UBE2W: variants seen among roughly 807,000 people sequenced by gnomAD.
The protein encoded by UBE2W is ubiquitin conjugating enzyme E2 W.
Under a neutral mutation model 27.2 loss-of-function variants are expected in UBE2W, and 18 were observed. That is an observed-to-expected ratio of 0.66 (90% CI 0.46 to 0.98). UBE2W has a LOEUF of 0.98. UBE2W is among the 50% of genes least tolerant of loss of function. The pLI is 0.00. For missense variants in UBE2W, 90 were observed against 180.2 expected, an observed-to-expected ratio of 0.50 and a Z score of 2.87; for synonymous variants, 53 against 57.2, an observed-to-expected ratio of 0.93 and a Z score of 0.33.
At chr8:73,874,356 C>T (rs1196818820) in intron 1 of UBE2W, among the ~76,000 whole-genome samples, 2 of 152,034 alleles carry the variant, frequency 1.3e-5, no homozygotes, top group East Asian at 1.9e-4. Flanking sequence ...GCATGAAGCC[C>T]GGGGATTGGA....
At chr8:73,866,293 ATATAT>A (rs1811768950) in intron 1 of UBE2W, among the ~76,000 whole-genome samples, 2 of 61,518 alleles carry the variant, frequency 3.3e-5, no homozygotes, top group African/African-American at 1.4e-4. Context: ...AAAAAAAAAT[ATATAT>A]ATATATATAT....
exon 5 of UBE2W, chr8:73,780,335 C>G: frequency 6.6e-6 from 2 of 305,220 alleles, no homozygotes; most frequent in South Asian, 6.0e-5. Context: ...CTTAGGACAC[C>G]AGTTATATTG....
intron 5 of UBE2W, among the ~76,000 whole-genome samples, chr8:73,799,947 T>C (rs1022543029): frequency 2.6e-5 from 4 of 152,224 alleles, no homozygotes; most frequent in African/African-American, 9.6e-5. Context: ...CACCTAGAGC[T>C]AAGCAGGAAA....
intron 2 of UBE2W, among the ~76,000 whole-genome samples, chr8:73,825,693 C>T (rs942679531): frequency 6.6e-6 from 1 of 152,054 alleles, no homozygotes. Flanking sequence ...CCCAGCTACT[C>T]AGGAGGCTGA....
At chr8:73,832,177 T>C (rs1810097116) in intron 1 of UBE2W, among the ~76,000 whole-genome samples, 4 of 150,590 alleles carry the variant, frequency 2.7e-5, no homozygotes, top group African/African-American at 7.5e-5. Flanking sequence ...GGCATGCACC[T>C]GTACTCCCAG....
downstream of UBE2W, among the ~76,000 whole-genome samples, chr8:73,785,156 T>A (rs1807913404): frequency 6.6e-6 from 1 of 152,202 alleles, no homozygotes; most frequent in East Asian, 1.9e-4. Flanking sequence ...ACAATATTTT[T>A]ATTTTTTTTA....
At chr8:73,857,369 T>A (rs1158917487) in intron 1 of UBE2W, among the ~76,000 whole-genome samples, 1 of 152,202 alleles carries the variant, frequency 6.6e-6, no homozygotes, top group Non-Finnish European at 1.5e-5. Flanking sequence ...CATAGAGAAC[T>A]GACCAAAATA....
rs1286530561 is a variant in UBE2W, at chr8:73,791,511, T to C, written c.*2591A>G. On this transcript the variant is annotated 3_prime_UTR_variant, in exon 6 of 6. Coordinates refer to ENST00000602593, the MANE Select transcript of UBE2W (RefSeq NM_018299.6). ...GGAGGAGGCAAGTAGCATATTCCTA[T>C]ATACATTTTCTTGATATTCTGGTTG... 8.1e-6 allele frequency: 8 copies of C among 985,192 alleles called. No individual in the cohort carries two copies. The highest frequency in any genetic ancestry group is 8.4e-6 in the Non-Finnish European group (7 of 829,820). 61.0% of individuals were successfully genotyped at this position (985,192 alleles called of 1,614,324 possible). A position where few individuals can be genotyped will look rare whatever the true frequency, so the allele number is the denominator to read the frequency against.
chr8:73,786,197 C>G, downstream of UBE2W: 1 of 983,526 alleles, frequency 1.0e-6, no homozygotes, highest in Non-Finnish European at 1.2e-6. Flanking sequence ...TGAGAAACAC[C>G]TATAAAAAAA....
intron 4 of UBE2W, among the ~76,000 whole-genome samples, chr8:73,809,198 C>G (rs1179876222): frequency 1.3e-5 from 2 of 152,026 alleles, no homozygotes; most frequent in Admixed American, 6.6e-5. Context: ...AAAAACAAAA[C>G]AAAACCAATT....
At chr8:73,839,536 A>C (rs1810448943) in intron 1 of UBE2W, among the ~76,000 whole-genome samples, 1 of 151,484 alleles carries the variant, frequency 6.6e-6, no homozygotes, top group South Asian at 2.1e-4. Context: ...ACATGCCTGT[A>C]ATTTCTGCTA....
chr8:73,839,961 C>G (rs1810472924), intron 1 of UBE2W, among the ~76,000 whole-genome samples: 1 of 152,102 alleles, frequency 6.6e-6, no homozygotes, highest in African/African-American at 2.4e-5. Flanking sequence ...GTCTCGAACT[C>G]CTGGCCTCCA....
chr8:73,865,245 T>G (rs1007033257), intron 1 of UBE2W, among the ~76,000 whole-genome samples: 3 of 143,990 alleles, frequency 2.1e-5, no homozygotes, highest in Middle Eastern at 3.7e-3. Context: ...CAAACAAATG[T>G]TACGAAGACG....
chr8:73,835,605 G>A (rs929409598), intron 1 of UBE2W, among the ~76,000 whole-genome samples: 2 of 152,120 alleles, frequency 1.3e-5, no homozygotes, highest in Admixed American at 1.3e-4. Context: ...TCAGCTGGGC[G>A]TGGTGGCATG....
At chr8:73,860,811 A>G (rs1811506038) in intron 1 of UBE2W, among the ~76,000 whole-genome samples, 1 of 152,194 alleles carries the variant, frequency 6.6e-6, no homozygotes, top group African/African-American at 2.4e-5. Flanking sequence ...AAAACAAGAC[A>G]GGGAGCTATC....
chr8:73,836,776 T>C (rs1810323254), intron 1 of UBE2W, among the ~76,000 whole-genome samples: 1 of 152,184 alleles, frequency 6.6e-6, no homozygotes, highest in Admixed American at 6.5e-5. Context: ...GACAGAACAC[T>C]TGCTAAAGGT....
In UBE2W at chr8:73,828,471, T is replaced by G. The variant is rs550107110; in HGVS notation, c.107+1910A>C. Reference sequence around the variant, plus strand: ...TATTGACATTTACACTATTCCCAAATTATCCCTAGAATTAGCAATGTCGAA... The same window carrying G: ...TATTGACATTTACACTATTCCCAAAGTATCCCTAGAATTAGCAATGTCGAA... On this transcript the variant is annotated intron_variant, in intron 2 of 5. Coordinates refer to ENST00000602593, the MANE Select transcript of UBE2W (RefSeq NM_018299.6). 7.9e-5 allele frequency among the ~76,000 whole-genome samples: 12 copies of G among 152,314 alleles called. 1 individual carries two copies. In the East Asian group the frequency reaches 2.3e-3, roughly 29 times the overall value.
chr8:73,877,524 G>A (rs980036603), intron 1 of UBE2W, among the ~76,000 whole-genome samples: 1 of 152,080 alleles, frequency 6.6e-6, no homozygotes, highest in South Asian at 2.1e-4. Context: ...AGCTATATTT[G>A]TACAAAAGAG....
intron 1 of UBE2W, among the ~76,000 whole-genome samples, chr8:73,845,896 T>TA (rs985767131): frequency 1.1e-4 from 17 of 151,004 alleles, no homozygotes; most frequent in African/African-American, 2.7e-4. Flanking sequence ...AAACTAAGTT[T>TA]AAAAAAAAAT....
Sources: gnomAD v4.1 joint callset for allele counts (sites outside exome capture counted in the v4.1 genomes callset) on GRCh38, gnomAD v4.1.1 for gene constraint, MANE v1.5 for transcripts, NCBI Gene and HGNC (gene_info 2026-07-23, HGNC 2026-07-21) for gene names.